The following CYSLTR2 variants were observed in gnomAD, a reference collection of about 807,000 sequenced individuals.
CYSLTR2 encodes cysteinyl leukotriene receptor 2, also known as G-protein coupled receptor GPCR21.
For synonymous variants in CYSLTR2, 179 were observed against 160.8 expected (o/e 1.11, Z -0.86); for missense variants, 398 against 411.9 (o/e 0.97, Z 0.29).
chr13:48,659,243 C>T (rs115154842), intron 1 of CYSLTR2, among the ~76,000 whole-genome samples: 4,547 of 152,202 alleles, frequency 0.03, 204 homozygotes, highest in East Asian at 0.18. Flanking sequence ...GGTGGGGTGG[C>T]AACAGGAATG....
chr13:48,669,150 G>A (rs1218028691), intron 1 of CYSLTR2, among the ~76,000 whole-genome samples: 3 of 152,076 alleles, frequency 2.0e-5, no homozygotes, highest in Non-Finnish European at 4.4e-5. Flanking sequence ...GGGTCAAATT[G>A]TATTTCTGGT....
intron 1 of CYSLTR2, among the ~76,000 whole-genome samples, chr13:48,675,126 C>G (rs1042579437): frequency 6.6e-6 from 1 of 152,170 alleles, no homozygotes; most frequent in South Asian, 2.1e-4. Flanking sequence ...GTTCAGGGAT[C>G]CACTTGAGGA....
intron 1 of CYSLTR2, among the ~76,000 whole-genome samples, chr13:48,684,364 G>A (rs546685143): frequency 6.6e-6 from 1 of 151,770 alleles, no homozygotes; most frequent in Non-Finnish European, 1.5e-5. Context: ...TCTATAGAGA[G>A]ATGGCATCAA....
intron 1 of CYSLTR2, among the ~76,000 whole-genome samples, chr13:48,667,222 AGT>A (rs1217966393): frequency 2.0e-5 from 3 of 152,184 alleles, no homozygotes; most frequent in African/African-American, 7.2e-5. Context: ...AAGAATTTGT[AGT>A]GATAGCCAGA....
intron 1 of CYSLTR2, among the ~76,000 whole-genome samples, chr13:48,675,603 A>T (rs1953571911): frequency 6.6e-6 from 1 of 151,976 alleles, no homozygotes; most frequent in African/African-American, 2.4e-5. Context: ...TCTGCAAGTG[A>T]CCTGCAAGAT....
chr13:48,694,620 G>C (rs565054002), intron 3 of CYSLTR2: 2 of 152,330 alleles, frequency 1.3e-5, no homozygotes, highest in African/African-American at 4.8e-5. Context: ...GCTTAAGGCA[G>C]CAAGGACTTT....
At chr13:48,687,555 A>G (rs1326806945) in intron 1 of CYSLTR2, among the ~76,000 whole-genome samples, 2 of 152,270 alleles carry the variant, frequency 1.3e-5, no homozygotes, top group Admixed American at 1.3e-4. Flanking sequence ...TCTATCAATT[A>G]TCTATCATCT....
intron 4 of CYSLTR2, chr13:48,706,434 A>T (rs1209688298): frequency 5.8e-6 from 1 of 173,440 alleles, no homozygotes; most frequent in Admixed American, 5.6e-5. Flanking sequence ...TTCTTTCAGC[A>T]TTTGAGAAAT....
At chr13:48,654,809 T>C (rs1952963721) in intron 1 of CYSLTR2, among the ~76,000 whole-genome samples, 1 of 152,200 alleles carries the variant, frequency 6.6e-6, no homozygotes. Context: ...TGGAGATCAG[T>C]GAGTCATCTG....
intron 3 of CYSLTR2, among the ~76,000 whole-genome samples, chr13:48,694,071 A>G (rs1954103619): frequency 6.6e-6 from 1 of 152,206 alleles, no homozygotes; most frequent in African/African-American, 2.4e-5. Flanking sequence ...AGCCCATCAG[A>G]GATGCAATGG....
chr13:48,662,387 TG>T (rs1391901290), intron 1 of CYSLTR2, among the ~76,000 whole-genome samples: 53 of 152,230 alleles, frequency 3.5e-4, no homozygotes, highest in Admixed American at 3.2e-3. Context: ...GTGAGACTGA[TG>T]GATCATATGG....
intron 4 of CYSLTR2, among the ~76,000 whole-genome samples, chr13:48,696,864 C>T (rs1407198256): frequency 1.3e-5 from 2 of 151,424 alleles, no homozygotes; most frequent in Non-Finnish European, 2.9e-5. Context: ...CTCGGAGGGT[C>T]CCACGCCCGG....
In CYSLTR2 at chr13:48,696,067, G is replaced by A. The variant is rs371094923; in HGVS notation, c.-102-459G>A. ...CAGTTTCTCTGTATTTGATGTAGTC[G>A]CTATGTTTTATTTAGCCATTCTAAT... On this transcript the variant is annotated intron_variant, in intron 3 of 4. Coordinates refer to ENST00000682523, the MANE Select transcript of CYSLTR2 (RefSeq NM_001308476.3). 9.5e-4 allele frequency among the ~76,000 whole-genome samples: 145 copies of A among 152,212 alleles called. 1 individual carries two copies. The highest frequency in any genetic ancestry group is 3.2e-3 in the African/African-American group (131 of 41,532).
rs1030099328 is a variant in CYSLTR2 at position 48,711,023 on chromosome 13, C to T, written c.*3165C>T. 1 of 152,010 alleles carries T rather than the reference C, an allele frequency of 6.6e-6. No homozygotes were observed. The highest frequency in any genetic ancestry group is 1.5e-5 in the Non-Finnish European group (1 of 68,000). The allele number at this position is 152,010 out of a possible 1,614,324, so 9.4% of individuals were successfully genotyped here. On this transcript the variant is annotated 3_prime_UTR_variant, in exon 5 of 5. Coordinates refer to ENST00000682523, the MANE Select transcript of CYSLTR2 (RefSeq NM_001308476.3). ...ACTAAATCTGGAAAATGATGAATAGCTGTACAACCATATTATTTAGCAATA... is the reference window on the plus strand; with the variant it reads ...ACTAAATCTGGAAAATGATGAATAGTTGTACAACCATATTATTTAGCAATA...
intron 1 of CYSLTR2, among the ~76,000 whole-genome samples, chr13:48,669,453 G>A (rs922879562): frequency 7.2e-5 from 11 of 151,754 alleles, no homozygotes; most frequent in African/African-American, 2.4e-4. Context: ...AAAGGCCCCA[G>A]TGTGTGATGT....
intron 3 of CYSLTR2, among the ~76,000 whole-genome samples, chr13:48,695,068 ATTTT>A (rs869282546): frequency 3.0e-3 from 216 of 71,600 alleles, no homozygotes; most frequent in South Asian, 9.7e-3. Context: ...AGAACCTGGC[ATTTT>A]TTTTTTTTTT....
intron 2 of CYSLTR2, among the ~76,000 whole-genome samples, chr13:48,692,084 T>A (rs1954053769): frequency 6.6e-6 from 1 of 152,032 alleles, no homozygotes; most frequent in Non-Finnish European, 1.5e-5. Flanking sequence ...TTATTCTGAA[T>A]TTGGGTCCTG....
At chr13:48,682,252 A>G (rs1394240771) in intron 1 of CYSLTR2, among the ~76,000 whole-genome samples, 3 of 152,094 alleles carry the variant, frequency 2.0e-5, no homozygotes, top group African/African-American at 4.8e-5. Context: ...CCATTGGAGT[A>G]CCTTCTGATT....
rs1161808660 is a variant in CYSLTR2 at position 48,710,805 on chromosome 13, G to A, written c.*2947G>A. 1 of 152,144 alleles carries A rather than the reference G, an allele frequency of 6.6e-6. No individual in the cohort carries two copies. Among genetic ancestry groups the A allele is most frequent in the African/African-American group, 2.4e-5 (1 of 41,426 alleles). 9.4% of individuals were successfully genotyped at this position (152,144 alleles called of 1,614,324 possible). A position where few individuals can be genotyped will look rare whatever the true frequency, so the allele number is the denominator to read the frequency against. On this transcript the variant is annotated 3_prime_UTR_variant, in exon 5 of 5. Coordinates refer to ENST00000682523, the MANE Select transcript of CYSLTR2 (RefSeq NM_001308476.3). ...GTTCCAATTGACAGCAATCGGGTTTGGTACTATTTGGGTTTGGTGCTATTC... is the reference window on the plus strand; with the variant it reads ...GTTCCAATTGACAGCAATCGGGTTTAGTACTATTTGGGTTTGGTGCTATTC...
Sources: gnomAD v4.1 joint callset for allele counts (sites outside exome capture counted in the v4.1 genomes callset) on GRCh38, gnomAD v4.1.1 for gene constraint, MANE v1.5 for transcripts, NCBI Gene and HGNC (gene_info 2026-07-23, HGNC 2026-07-21) for gene names.